Variants in MITF observed in about 807,000 individuals in gnomAD.
MITF encodes melanocyte inducing transcription factor, also known as microphthalmia-associated transcription factor.
MITF carries 17 observed loss-of-function variants against 60.5 expected under a neutral mutation model. That is an observed-to-expected ratio of 0.28 (90% CI 0.19 to 0.42). The LOEUF is 0.42. Ranked by LOEUF, MITF falls within the 10% of genes least tolerant of loss-of-function variation. MITF has a pLI of 1.00. For synonymous variants in MITF, 260 were observed against 248.5 expected, an observed-to-expected ratio of 1.05 and a Z score of -0.43; for missense variants, 622 against 683.5, an observed-to-expected ratio of 0.91 and a Z score of 1.00.
intron 1 of MITF, among the ~76,000 whole-genome samples, chr3:69,744,855 AC>A (rs1333821188): frequency 3.9e-5 from 6 of 152,218 alleles, no homozygotes; most frequent in Non-Finnish European, 7.3e-5. Context: ...AGTTAAAAAA[AC>A]TAACAATTTT....
chr3:69,741,305 G>A (rs1481564159), intron 1 of MITF, among the ~76,000 whole-genome samples: 6 of 152,252 alleles, frequency 3.9e-5, no homozygotes, highest in African/African-American at 1.4e-4. Context: ...CTCTGCTTTT[G>A]CTTCTATAAG....
chr3:69,787,351 T>A lies in MITF; in HGVS notation c.104+47650T>A, dbSNP rs1219377135. 1.3e-5 allele frequency among the ~76,000 whole-genome samples: 2 copies of A among 152,214 alleles called. 1 individual carries two copies. Among genetic ancestry groups the A allele is most frequent in the Admixed American group, 1.3e-4 (2 of 15,286 alleles). ...TGCAGATTTAAATAGTTGAGACTCA[T>A]GACACAATTGACCTGATAGTTTTCT... is the stretch of plus-strand genomic sequence containing the variant. On this transcript the variant is annotated intron_variant, in intron 1 of 9. Coordinates refer to ENST00000352241, the MANE Select transcript of MITF (RefSeq NM_001354604.2).
intron 1 of MITF, among the ~76,000 whole-genome samples, chr3:69,807,295 C>A (rs560214920): frequency 1.3e-4 from 20 of 152,284 alleles, no homozygotes; most frequent in Non-Finnish European, 2.6e-4. Flanking sequence ...ATGTTATTTT[C>A]TGGTCTTGGC....
intron 2 of MITF, among the ~76,000 whole-genome samples, 191 bp from the exon 3 acceptor site, chr3:69,937,631 A>G (rs1295340186): frequency 1.3e-5 from 2 of 152,236 alleles, no homozygotes; most frequent in Non-Finnish European, 1.5e-5. Flanking sequence ...GTATTACACC[A>G]AATCCTACTA....
In MITF at chr3:69,806,939, G is replaced by A. The variant is rs373997151; in HGVS notation, c.104+67238G>A. Among the ~76,000 whole-genome samples, 107 of 152,290 alleles carry A rather than the reference G, an allele frequency of 7.0e-4. 1 individual carries two copies. The Middle Eastern group carries it at 0.01, about 15-fold the overall frequency. ...AAGCCAGTAAAATGAGTAATGCAAG[G>A]AAATTCTGATGCACAGCTTCCTTTT... On this transcript the variant is annotated intron_variant, in intron 1 of 9. Transcript: ENST00000352241.
At chr3:69,845,211 T>C (rs1445439122) in intron 1 of MITF, among the ~76,000 whole-genome samples, 1 of 152,096 alleles carries the variant, frequency 6.6e-6, no homozygotes, top group Non-Finnish European at 1.5e-5. Flanking sequence ...TGCTTTTTCA[T>C]AAATTGCTTT....
chr3:69,764,998 A>C (rs1314743226), intron 1 of MITF, among the ~76,000 whole-genome samples: 1 of 152,004 alleles, frequency 6.6e-6, no homozygotes, highest in Non-Finnish European at 1.5e-5. Flanking sequence ...TTTTCCTGGG[A>C]GTTCTCTGGG....
intron 2 of MITF, among the ~76,000 whole-genome samples, chr3:69,904,864 C>T (rs986650855): frequency 6.6e-6 from 1 of 152,162 alleles, no homozygotes; most frequent in African/African-American, 2.4e-5. Context: ...GAGTACCCAG[C>T]TCACAGGCTG....
At chr3:69,813,954 A>C (rs1210536476) in intron 1 of MITF, among the ~76,000 whole-genome samples, 1 of 152,168 alleles carries the variant, frequency 6.6e-6, no homozygotes, top group Non-Finnish European at 1.5e-5. Flanking sequence ...AAGATATTAG[A>C]TGCCTATCAA....
At chr3:69,913,733 G>A (rs1345436039) in intron 2 of MITF, among the ~76,000 whole-genome samples, 1 of 152,160 alleles carries the variant, frequency 6.6e-6, no homozygotes, top group Non-Finnish European at 1.5e-5. Flanking sequence ...CTAGGCCAGT[G>A]ATTTTACATC....
intron 1 of MITF, among the ~76,000 whole-genome samples, chr3:69,793,108 G>A (rs1268925025): frequency 7.0e-6 from 1 of 143,484 alleles, no homozygotes; most frequent in Admixed American, 7.4e-5. Flanking sequence ...CGATTTCCTG[G>A]GCCGAAGTGA....
intron 1 of MITF, among the ~76,000 whole-genome samples, chr3:69,755,414 G>GT (rs1553672494): frequency 1.9e-3 from 57 of 30,400 alleles, no homozygotes; most frequent in Non-Finnish European, 2.9e-3. Context: ...CAAAATCTTT[G>GT]TATCTTTTAC....
intron 2 of MITF, among the ~76,000 whole-genome samples, chr3:69,895,808 T>TTGTGTGTGTGTGTGTG (rs35088149): frequency 3.6e-5 from 5 of 140,146 alleles, no homozygotes; most frequent in Non-Finnish European, 7.7e-5. Flanking sequence ...TGTGGAGTGT[T>TTGTGTGTGTGTGTGTG]TGTGTGTGTG....
chr3:69,917,100 CAAG>C (rs928838028), intron 2 of MITF, among the ~76,000 whole-genome samples: 4 of 152,230 alleles, frequency 2.6e-5, no homozygotes, highest in Admixed American at 2.0e-4. Flanking sequence ...ACAAGAAAAA[CAAG>C]AAGGACATCT....
chr3:69,874,877 C>T (rs1036945920), intron 1 of MITF, among the ~76,000 whole-genome samples: 5 of 152,106 alleles, frequency 3.3e-5, no homozygotes, highest in Admixed American at 6.5e-5. Flanking sequence ...TTTAGCAAAA[C>T]GTCAGATAGT....
intron 1 of MITF, among the ~76,000 whole-genome samples, chr3:69,820,939 G>A (rs780662127): frequency 4.6e-5 from 7 of 152,106 alleles, no homozygotes; most frequent in Admixed American, 6.5e-5. Context: ...GTATGTGTCT[G>A]TGTGTGTGTT....
chr3:69,805,361 C>T (rs977192211), intron 1 of MITF, among the ~76,000 whole-genome samples: 11 of 152,152 alleles, frequency 7.2e-5, no homozygotes, highest in African/African-American at 2.7e-4. Context: ...GAATCCCCCT[C>T]TAATAATTTT....
At chr3:69,956,395 T>C (rs781606731) in intron 7 of MITF, 60 bp from the exon 8 acceptor site, 13 of 1,301,684 alleles carry the variant, frequency 1.0e-5, no homozygotes, top group Non-Finnish European at 1.5e-5. Context: ...TTTAATGAGA[T>C]GTGCTAAATG....
At chr3:69,809,607 A>G (rs1166400815) in intron 1 of MITF, among the ~76,000 whole-genome samples, 1 of 151,918 alleles carries the variant, frequency 6.6e-6, no homozygotes, top group African/African-American at 2.4e-5. Flanking sequence ...ATGTGTATAA[A>G]CATCAATGAA....
Sources: gnomAD v4.1 joint callset for allele counts (sites outside exome capture counted in the v4.1 genomes callset) on GRCh38, gnomAD v4.1.1 for gene constraint, MANE v1.5 for transcripts, NCBI Gene and HGNC (gene_info 2026-07-23, HGNC 2026-07-21) for gene names.